TRPV3: variants seen among roughly 807,000 people sequenced by gnomAD.
TRPV3 encodes the protein transient receptor potential cation channel subfamily V member 3, also known as VRL-3.
Under a neutral mutation model 87.1 loss-of-function variants are expected in TRPV3, and 88 were observed. The ratio of observed to expected loss-of-function variants is 1.01; its 90% confidence interval spans 0.85 to 1.21. The LOEUF (loss-of-function observed/expected upper bound fraction) is 1.21, where lower values mean the gene tolerates loss of function less well. TRPV3 is among the 50% of genes most tolerant of loss of function. TRPV3 has a pLI of 0.00. For synonymous variants in TRPV3, 438 were observed against 423.3 expected (o/e 1.03, Z -0.43); for missense variants, 1,054 against 1,030.1 (o/e 1.02, Z -0.32).
At chr17:3,534,505 G>C (rs1359373338) in intron 7 of TRPV3, among the ~76,000 whole-genome samples, 1 of 152,210 alleles carries the variant, frequency 6.6e-6, no homozygotes, top group African/African-American at 2.4e-5. Flanking sequence ...GTTACACAGA[G>C]AAATTTTTGT....
Position 3,542,540 on chromosome 17 carries a change from T to C in TRPV3, c.625A>G (p.Thr209Ala). 1.2e-6 allele frequency: 2 copies of C among 1,613,910 alleles called. No individual in the cohort carries two copies. The highest frequency in any genetic ancestry group is 2.2e-5 in the East Asian group (1 of 44,876). ...ILGRFINAEY[T>A]EEAYEGQTAL... is the part of the protein sequence containing the mutation. The stretch of plus-strand genomic sequence containing the variant: ...AGGATACCTTCATAGGCCTCCTCTG[T>C]GTACTCGGCGTTGATGAACCTGCCC... Residue 209 changes from threonine to alanine, a missense_variant, in exon 6 of 18, where the codon ACA becomes GCA. Thr to Ala is a moderately conservative substitution (Grantham distance 58). Transcript: ENST00000576742.
Position 3,519,512 on chromosome 17 carries a change from A to AGATG in TRPV3, c.1811-666_1811-663dup, listed in dbSNP as rs1164210446. Among the ~76,000 whole-genome samples the AGATG allele has an allele frequency of 1.3e-3, 72 of 56,606 alleles. 1 individual carries two copies. The highest frequency in any genetic ancestry group is 6.7e-3 in the East Asian group (8 of 1,196). The allele number at this position is 56,606 out of a possible 152,430, so 37.1% of individuals were successfully genotyped here. On this transcript the variant is annotated intron_variant, in intron 14 of 17. Coordinates refer to ENST00000576742, the MANE Select transcript of TRPV3 (RefSeq NM_145068.4). ...TGGATGGATGGATGGATGGGTGATT[A>AGATG]GATGGATGGATGGATGGATGGATAG...
chr17:3,543,382 G>A lies in TRPV3; in HGVS notation c.466+92C>T. On this transcript the variant is annotated intron_variant, in intron 5 of 17. Transcript: ENST00000576742. ...AGAATTCAAGGCCCCTCACACTCCA[G>A]CCTCATGGGTTGGTGAGGGGAGGGG... The A allele has an allele frequency of 6.0e-6, 9 of 1,502,888 alleles. No individual in the cohort carries two copies. The Admixed American group carries it at 1.7e-4, about 28-fold the overall frequency. The allele number at this position is 1,502,888 out of a possible 1,614,324, so 93.1% of individuals were successfully genotyped here.
At chr17:3,538,106 G>A (rs961258222) in intron 6 of TRPV3, among the ~76,000 whole-genome samples, 1 of 151,246 alleles carries the variant, frequency 6.6e-6, no homozygotes, top group Non-Finnish European at 1.5e-5. Flanking sequence ...GCTGAGGCAG[G>A]AGAATGGTGT....
At chr17:3,545,664 G>A (rs2074516970) in intron 2 of TRPV3, among the ~76,000 whole-genome samples, 1 of 151,838 alleles carries the variant, frequency 6.6e-6, no homozygotes, top group Non-Finnish European at 1.5e-5. Context: ...TGAAAAGTGG[G>A]CAGGAGAGAA....
chr17:3,533,807 T>G (rs1300860526), intron 7 of TRPV3, among the ~76,000 whole-genome samples: 2 of 152,166 alleles, frequency 1.3e-5, no homozygotes, highest in African/African-American at 4.8e-5. Context: ...TACTTTGTAT[T>G]TTTTAAGAGC....
chr17:3,529,935 G>T, intron 9 of TRPV3, 92 bp downstream of exon 9: 1 of 1,423,934 alleles, frequency 7.0e-7, no homozygotes, highest in Non-Finnish European at 9.5e-7. Context: ...GATGGAGCTG[G>T]CAGCACTGGG....
At chr17:3,542,482 A>T in intron 6 of TRPV3, 40 bp downstream of exon 6, 1 of 1,592,720 alleles carries the variant, frequency 6.3e-7, no homozygotes, top group South Asian at 1.2e-5. Context: ...CCCCACCCTC[A>T]GAGACTCCTG....
At chr17:3,531,545 C>G (rs1567637339) in intron 8 of TRPV3, among the ~76,000 whole-genome samples, 1 of 152,192 alleles carries the variant, frequency 6.6e-6, no homozygotes, top group Non-Finnish European at 1.5e-5. Context: ...GGGCCGGCCA[C>G]AGCGGGCACA....
At position 3,557,679 on chromosome 17, in the gene TRPV3, G is replaced by A. The variant is rs182155372; in HGVS notation, c.-6C>T. ...GCCTTGTGCACAGAAGACTCACCTG[G>A]TGAGGTTCTGGGTGGTCGTGGCAAC... is the stretch of plus-strand genomic sequence containing the variant. On this transcript the variant is annotated 5_prime_UTR_variant, in exon 1 of 18. Coordinates refer to ENST00000576742, the MANE Select transcript of TRPV3 (RefSeq NM_145068.4). This position sits in a 1 kb window ranked among gnomAD's most constrained non-coding sequence, Gnocchi z 4.5. The A allele has an allele frequency of 2.6e-5, 4 of 152,406 alleles. No individual in the cohort carries two copies. In the East Asian group the frequency reaches 7.7e-4, roughly 29 times the overall value. 9.4% of individuals were successfully genotyped at this position (152,406 alleles called of 1,614,324 possible).
chr17:3,557,347 G>C lies in TRPV3; in HGVS notation c.-3+329C>G, dbSNP rs1352946402. ...TCCTGCCCCAGAAAGCCACCTCCCT[G>C]GGTCAGCCTCGGGAGGCAGGAGCCT... On this transcript the variant is annotated intron_variant, in intron 1 of 17. Transcript: ENST00000576742. The surrounding 1 kb of genome is among the most constrained non-coding windows in gnomAD (Gnocchi z 4.5). 6.6e-6 allele frequency among the ~76,000 whole-genome samples: 1 copy of C among 152,180 alleles called. No homozygotes were observed. Among genetic ancestry groups the C allele is most frequent in the Non-Finnish European group, 1.5e-5 (1 of 68,020 alleles).
At chr17:3,525,152 T>C (rs777379473) in intron 12 of TRPV3, among the ~76,000 whole-genome samples, 89 of 150,936 alleles carry the variant, frequency 5.9e-4, no homozygotes, top group Non-Finnish European at 5.9e-4. Context: ...CCCTAGTAGC[T>C]GGGATTACAG....
rs570840874 is a variant in TRPV3 at position 3,542,629 on chromosome 17, A to G, written c.536T>C (p.Ile179Thr). 1 of 1,614,028 alleles carries G rather than the reference A, an allele frequency of 6.2e-7. No individual in the cohort carries two copies. Among genetic ancestry groups the G allele is most frequent in the African/African-American group, 1.3e-5 (1 of 75,024 alleles). ...KTCLMKALLN[I>T]NPNTKEIVRI... ...CACTATCTCCTTGGTGTTGGGGTTGATGTTTAACAAGGCCTTCATCAGGCA... is the reference window on the plus strand; with the variant it reads ...CACTATCTCCTTGGTGTTGGGGTTGGTGTTTAACAAGGCCTTCATCAGGCA... Residue 179 changes from isoleucine (I) to threonine (T), a missense_variant, in exon 6 of 18, where the codon ATC becomes ACC. By Grantham distance (89) the Ile-to-Thr change is moderately conservative (BLOSUM62 -1). Transcript: ENST00000576742.
intron 7 of TRPV3, among the ~76,000 whole-genome samples, chr17:3,534,702 T>C (rs1213340239): frequency 6.6e-6 from 1 of 152,026 alleles, no homozygotes; most frequent in East Asian, 1.9e-4. Context: ...CTGTGACTTG[T>C]GAGGCAGGGG....
intron 8 of TRPV3, among the ~76,000 whole-genome samples, chr17:3,531,090 AC>A (rs35481892): frequency 6.6e-6 from 1 of 150,866 alleles, no homozygotes; most frequent in African/African-American, 2.4e-5. Context: ...AAACAAAAAA[AC>A]CAAAAATTCC....
Position 3,530,399 on chromosome 17 carries a change from C to T in TRPV3, c.1066-196G>A. 4.6e-6 allele frequency: 2 copies of T among 438,892 alleles called. No homozygotes were observed. Among genetic ancestry groups the T allele is most frequent in the Non-Finnish European group, 3.8e-6 (1 of 262,194 alleles). 27.2% of individuals were successfully genotyped at this position (438,892 alleles called of 1,614,324 possible). ...TGCGCACAAAGCTTGCTGTTCCGCC[C>T]ATCTCACTGGGGGTTGTGAATACCA... On this transcript the variant is annotated intron_variant, in intron 8 of 17. Coordinates refer to ENST00000576742, the MANE Select transcript of TRPV3 (RefSeq NM_145068.4). The surrounding 1 kb of genome is among the most constrained non-coding windows in gnomAD (Gnocchi z 4.0).
intron 1 of TRPV3, among the ~76,000 whole-genome samples, chr17:3,555,787 G>T (rs1342420489): frequency 6.6e-6 from 1 of 152,186 alleles, no homozygotes; most frequent in East Asian, 1.9e-4. Context: ...GGGGGGAGCT[G>T]CTGTGGCCAG....
chr17:3,554,745 G>T lies in TRPV3; in HGVS notation c.106C>A (p.Pro36Thr), dbSNP rs758309963. The T allele has an allele frequency of 5.6e-6, 9 of 1,610,596 alleles. No individual in the cohort carries two copies. The highest frequency in any genetic ancestry group is 5.1e-6 in the Non-Finnish European group (6 of 1,178,076). ...LPEKRPAEIT[P>T]TKKSAHFFLE... ...CTCCAAACCCACCTCTTCTTTGTGG[G>T]GGTGATCTCCGCCGGCCTCTTCTCT... The change falls in exon 2 of 18, where the codon CCC becomes ACC. Residue 36 changes from proline to threonine, a missense_variant. Transcript: ENST00000576742.
chr17:3,517,882 A>G (rs62071323), intron 15 of TRPV3, among the ~76,000 whole-genome samples: 86,438 of 148,196 alleles, frequency 0.58, 26,054 homozygotes, highest in East Asian at 0.95. Context: ...GCCATGACAC[A>G]ATCTCAACTC....
Sources: allele counts gnomAD v4.1 joint callset (sites outside exome capture counted in the v4.1 genomes callset), GRCh38; gene constraint gnomAD v4.1.1; non-coding constraint Gnocchi (gnomAD v3.1); transcripts MANE v1.5; gene names NCBI Gene and HGNC (gene_info 2026-07-23, HGNC 2026-07-21).